MEGF11: variants seen among roughly 807,000 people sequenced by gnomAD.
The protein encoded by MEGF11 is multiple EGF like domains 11, also known as multiple epidermal growth factor-like domains protein 11.
Under a neutral mutation model 146.6 loss-of-function variants are expected in MEGF11, and 126 were observed. The observed-to-expected ratio is 0.86, with a 90% CI of 0.74 to 1.00. The LOEUF (loss-of-function observed/expected upper bound fraction) is 1.00. Among genes scored for constraint, MEGF11 ranks in the 50% least tolerant of loss-of-function variants. The pLI is 0.00. For synonymous variants in MEGF11, 532 were observed against 583.4 expected (o/e 0.91, Z 1.27); for missense variants, 1,509 against 1,521.2 (o/e 0.99, Z 0.13).
intron 7 of MEGF11, among the ~76,000 whole-genome samples, chr15:65,979,556 G>A (rs1249232473): frequency 1.3e-5 from 2 of 152,210 alleles, no homozygotes; most frequent in South Asian, 2.1e-4. Context: ...GAAACGGAGC[G>A]TGTTACTGGA....
intron 1 of MEGF11, among the ~76,000 whole-genome samples, chr15:66,232,405 G>T (rs969029133): frequency 3.9e-5 from 6 of 152,174 alleles, no homozygotes; most frequent in African/African-American, 1.2e-4. Flanking sequence ...AATCAGCTGT[G>T]CTGCGAGAGA....
intron 5 of MEGF11, among the ~76,000 whole-genome samples, chr15:66,047,998 G>T (rs1250714706): frequency 1.2e-4 from 18 of 151,916 alleles, no homozygotes; most frequent in Admixed American, 2.6e-4. Flanking sequence ...CAGGCTGGAG[G>T]GCAATGGTGT....
intron 1 of MEGF11, among the ~76,000 whole-genome samples, chr15:66,215,338 C>T (rs528876212): frequency 3.3e-5 from 5 of 152,104 alleles, no homozygotes; most frequent in Non-Finnish European, 7.3e-5. Flanking sequence ...TGGAAATGCC[C>T]CCAGAGGGAC....
chr15:66,080,220 C>T (rs1597061985), intron 5 of MEGF11, among the ~76,000 whole-genome samples: 1 of 152,210 alleles, frequency 6.6e-6, no homozygotes, highest in African/African-American at 2.4e-5. Flanking sequence ...AGCACAGGCT[C>T]CTCACAATTG....
At chr15:65,907,110 C>T (rs559747727) in intron 23 of MEGF11, among the ~76,000 whole-genome samples, 18 of 152,278 alleles carry the variant, frequency 1.2e-4, no homozygotes, top group African/African-American at 3.1e-4. Flanking sequence ...TACTAAAATA[C>T]AGTTTGACTC....
chr15:66,237,073 C>T (rs1318321741), intron 1 of MEGF11, among the ~76,000 whole-genome samples: 1 of 152,154 alleles, frequency 6.6e-6, no homozygotes, highest in Admixed American at 6.5e-5. Context: ...ATGCTAACAC[C>T]CATCACACCT....
intron 5 of MEGF11, among the ~76,000 whole-genome samples, chr15:66,026,332 C>T (rs1014395542): frequency 2.0e-5 from 3 of 152,216 alleles, no homozygotes; most frequent in African/African-American, 7.2e-5. Flanking sequence ...GGGGACCACA[C>T]TTTGAGTAGC....
chr15:66,092,357 A>T (rs963826020), intron 5 of MEGF11, among the ~76,000 whole-genome samples: 3 of 152,204 alleles, frequency 2.0e-5, no homozygotes, highest in Non-Finnish European at 4.4e-5. Context: ...CCCTTTTAGA[A>T]CTTCCCATGG....
chr15:66,102,447 T>C (rs2086862788), intron 4 of MEGF11, among the ~76,000 whole-genome samples: 2 of 148,944 alleles, frequency 1.3e-5, no homozygotes, highest in Admixed American at 1.3e-4. Flanking sequence ...TTTTTTTTTT[T>C]TTTTGAGACA....
At chr15:66,230,045 G>C (rs2091937632) in intron 1 of MEGF11, among the ~76,000 whole-genome samples, 1 of 152,146 alleles carries the variant, frequency 6.6e-6, no homozygotes, top group African/African-American at 2.4e-5. Context: ...CATTCACAAA[G>C]GTCCAGAATC....
intron 8 of MEGF11, among the ~76,000 whole-genome samples, chr15:65,965,600 CTTTTT>C (rs767520450): frequency 5.3e-5 from 1 of 18,880 alleles, no homozygotes; most frequent in Non-Finnish European, 9.0e-5. Flanking sequence ...TTCTTTCTTT[CTTTTT>C]TTTTTTTCTT....
At chr15:66,231,197 G>A (rs549079371) in intron 1 of MEGF11, among the ~76,000 whole-genome samples, 3 of 146,730 alleles carry the variant, frequency 2.0e-5, no homozygotes, top group Non-Finnish European at 2.9e-5. Context: ...CAGACCTGCA[G>A]GTAAAGAGGA....
At chr15:66,208,399 T>C in intron 1 of MEGF11, among the ~76,000 whole-genome samples, 1 of 151,128 alleles carries the variant, frequency 6.6e-6, no homozygotes, top group East Asian at 1.9e-4. Flanking sequence ...TTTAAAATAT[T>C]AAATAATCCC....
At position 66,230,939 on chromosome 15, in the gene MEGF11, G is replaced by A. The variant is rs187219970; in HGVS notation, c.-9+22666C>T. On this transcript the variant is annotated intron_variant, in intron 1 of 25. Transcript: ENST00000395614. ...GGACCCACAGAACCAGAGAGGCAGC[G>A]TTCCCATTCCTGGCCAAGTGGGCTC... 2.9e-3 allele frequency among the ~76,000 whole-genome samples: 443 copies of A among 152,300 alleles called. 5 individuals are homozygous for A. The Middle Eastern group carries it at 0.034, about 12-fold the overall frequency.
At chr15:66,164,860 C>G (rs1210127808) in intron 1 of MEGF11, among the ~76,000 whole-genome samples, 1 of 152,212 alleles carries the variant, frequency 6.6e-6, no homozygotes, top group Non-Finnish European at 1.5e-5. Flanking sequence ...TCCCAGAAAC[C>G]CAGGTCCATC....
intron 24 of MEGF11, among the ~76,000 whole-genome samples, chr15:65,903,173 A>AG (rs2078536361): frequency 6.6e-6 from 1 of 152,198 alleles, no homozygotes; most frequent in Non-Finnish European, 1.5e-5. Context: ...TAACTACCTA[A>AG]GAGCCCAAGT....
intron 5 of MEGF11, among the ~76,000 whole-genome samples, chr15:66,073,038 A>C (rs1192537959): frequency 6.6e-6 from 1 of 152,246 alleles, no homozygotes; most frequent in Non-Finnish European, 1.5e-5. Flanking sequence ...ATTCAGATTT[A>C]CTAGGAAGGG....
At chr15:66,236,882 C>G (rs2092105483) in intron 1 of MEGF11, among the ~76,000 whole-genome samples, 1 of 152,172 alleles carries the variant, frequency 6.6e-6, no homozygotes, top group Non-Finnish European at 1.5e-5. Context: ...CGCTGTAACA[C>G]CCCGGGAAGA....
At chr15:66,237,200 A>G (rs1210781003) in intron 1 of MEGF11, among the ~76,000 whole-genome samples, 1 of 152,130 alleles carries the variant, frequency 6.6e-6, no homozygotes, top group Non-Finnish European at 1.5e-5. Context: ...GCCTGGGTGA[A>G]GCCTGGATGA....
Sources: allele counts gnomAD v4.1 joint callset (sites outside exome capture counted in the v4.1 genomes callset), GRCh38; gene constraint gnomAD v4.1.1; transcripts MANE v1.5; gene names NCBI Gene and HGNC (gene_info 2026-07-23, HGNC 2026-07-21).